NRP1: variants seen among roughly 807,000 people sequenced by gnomAD.
The protein encoded by NRP1 is neuropilin 1.
A neutral mutation model predicts 106.7 loss-of-function variants in NRP1; 35 were observed. The ratio of observed to expected loss-of-function variants is 0.33; its 90% confidence interval spans 0.25 to 0.43. The LOEUF (loss-of-function observed/expected upper bound fraction) is 0.43. Among genes scored for constraint, NRP1 ranks in the 20% least tolerant of loss-of-function variants. NRP1 has a pLI of 1.00. For missense variants in NRP1, 1,024 were observed against 1,170.4 expected (o/e 0.87, Z 1.83); for synonymous variants, 437 against 417.9 (o/e 1.05, Z -0.56).
At chr10:33,280,971 A>G (rs1844080627) in intron 2 of NRP1, among the ~76,000 whole-genome samples, 1 of 151,418 alleles carries the variant, frequency 6.6e-6, no homozygotes, top group South Asian at 2.1e-4. Context: ...ACCTTGTCTC[A>G]AAAGAAAAAA....
chr10:33,325,297 T>C (rs1847809983), intron 2 of NRP1, among the ~76,000 whole-genome samples: 1 of 152,170 alleles, frequency 6.6e-6, no homozygotes, highest in East Asian at 1.9e-4. Flanking sequence ...TGCTCTAAAA[T>C]ACAAGACTAG....
chr10:33,321,847 C>T (rs953085221), intron 2 of NRP1, among the ~76,000 whole-genome samples: 2 of 152,298 alleles, frequency 1.3e-5, no homozygotes, highest in Admixed American at 6.5e-5. Flanking sequence ...AAGCTCTCTC[C>T]GTGACATAGC....
At chr10:33,308,782 C>T (rs968137112) in intron 2 of NRP1, among the ~76,000 whole-genome samples, 1 of 152,018 alleles carries the variant, frequency 6.6e-6, no homozygotes, top group Admixed American at 6.6e-5. Context: ...AGCCACCATG[C>T]CTGGCCTCAA....
At chr10:33,210,930 ATT>A (rs1838252716) in intron 9 of NRP1, among the ~76,000 whole-genome samples, 1 of 152,188 alleles carries the variant, frequency 6.6e-6, no homozygotes, top group Non-Finnish European at 1.5e-5. Context: ...CGTCTTAGAG[ATT>A]TTATTTCAGT....
At chr10:33,239,801 T>G (rs1467309945) in intron 6 of NRP1, among the ~76,000 whole-genome samples, 5 of 152,228 alleles carry the variant, frequency 3.3e-5, no homozygotes, top group African/African-American at 1.2e-4. Context: ...CGTCTCAACC[T>G]TCTTATTTTA....
At chr10:33,186,023 T>C (rs1469677430) in intron 14 of NRP1, among the ~76,000 whole-genome samples, 194 bp downstream of exon 14, 14 of 152,206 alleles carry the variant, frequency 9.2e-5, no homozygotes, top group Admixed American at 6.5e-4. Flanking sequence ...CTCAGCAAAT[T>C]GGTTCTATTC....
chr10:33,332,959 C>T (rs1169604503), intron 1 of NRP1, among the ~76,000 whole-genome samples: 1 of 151,930 alleles, frequency 6.6e-6, no homozygotes, highest in African/African-American at 2.4e-5. Context: ...CATTGAGCTT[C>T]AAATCTATCT....
At chr10:33,258,855 C>G (rs1372308014) in intron 4 of NRP1, among the ~76,000 whole-genome samples, 2 of 152,144 alleles carry the variant, frequency 1.3e-5, no homozygotes, top group Non-Finnish European at 2.9e-5. Flanking sequence ...AAAAAGGAAT[C>G]TCATTTCTGA....
chr10:33,208,073 C>A (rs1158128275), intron 9 of NRP1, among the ~76,000 whole-genome samples: 1 of 152,100 alleles, frequency 6.6e-6, no homozygotes, highest in Non-Finnish European at 1.5e-5. Context: ...CTACAGGCAC[C>A]CGCCACCATG....
At chr10:33,218,331 C>A (rs1371452664) in intron 8 of NRP1, among the ~76,000 whole-genome samples, 2 of 141,242 alleles carry the variant, frequency 1.4e-5, no homozygotes, top group African/African-American at 5.1e-5. Flanking sequence ...TACTATATTT[C>A]TTTTTTCTTT....
In NRP1 at chr10:33,203,781, C is replaced by T. The variant is rs1304739158; in HGVS notation, c.1760-786G>A. Among the ~76,000 whole-genome samples the T allele has an allele frequency of 6.4e-5, 5 of 78,348 alleles. 1 individual carries two copies. Among genetic ancestry groups the T allele is most frequent in the Admixed American group, 1.8e-4 (1 of 5,620 alleles). 51.4% of individuals were successfully genotyped at this position (78,348 alleles called of 152,430 possible). A position where few individuals can be genotyped will look rare whatever the true frequency, so the allele number is the denominator to read the frequency against. On this transcript the variant is annotated intron_variant, in intron 10 of 16. Coordinates refer to ENST00000374867, the MANE Select transcript of NRP1 (RefSeq NM_003873.7). ...CGGAGTCTCGCTCTGTCGCCCAGGC[C>T]GGACTGCGGACTGCAGTGGCGCAAT...
At chr10:33,180,438 A>G (rs1835613417) in intron 16 of NRP1, 73 bp from the exon 17 acceptor site, 1 of 1,452,802 alleles carries the variant, frequency 6.9e-7, no homozygotes, top group Non-Finnish European at 9.3e-7. Context: ...AAAAATAGAA[A>G]GGAACGAAAC....
intron 11 of NRP1, among the ~76,000 whole-genome samples, chr10:33,198,813 A>T (rs1405202934): frequency 6.6e-6 from 1 of 152,138 alleles, no homozygotes; most frequent in Non-Finnish European, 1.5e-5. Context: ...TCAAGGACAA[A>T]TACCCTGCCC....
In NRP1 at chr10:33,222,501, T is replaced by TGA. The variant is rs1205299661; in HGVS notation, c.1138-639_1138-638insTC. ...TTTTCCAGGGCTTGTGCGTCAAGATTTATTTATTTATTTATTTATTTATTT... is the reference window on the plus strand; with the variant it reads ...TTTTCCAGGGCTTGTGCGTCAAGATTGATATTTATTTATTTATTTATTTATTT... On this transcript the variant is annotated intron_variant, in intron 7 of 16. Coordinates refer to ENST00000374867, the MANE Select transcript of NRP1 (RefSeq NM_003873.7). Among the ~76,000 whole-genome samples the TGA allele has an allele frequency of 5.6e-3, 591 of 105,798 alleles. 2 individuals are homozygous for TGA. Among genetic ancestry groups the TGA allele is most frequent in the African/African-American group, 0.017 (510 of 29,168 alleles). 69.4% of individuals were successfully genotyped at this position (105,798 alleles called of 152,430 possible).
rs1439297364 is a variant in NRP1 at position 33,270,768 on chromosome 10, C to G, written c.337G>C (p.Val113Leu). 1 of 1,613,848 alleles carries G rather than the reference C, an allele frequency of 6.2e-7. No homozygotes were observed. Among genetic ancestry groups the G allele is most frequent in the East Asian group, 2.2e-5 (1 of 44,862 alleles). The part of the protein sequence containing the change: ...FCGKIAPPPV[V>L]SSGPFLFIKF... ...ATAAAAAGAAATGGCCCTGAAGACA[C>G]AACAGGAGGAGGGGCTATCTTTCCA... Residue 113 changes from valine to leucine, a missense_variant, in exon 3 of 17, where the codon GTG (valine) becomes CTG (leucine). Physicochemically the swap from Val to Leu is conservative, Grantham distance 32. This residue lies in a region of NRP1 where 279 missense variants were observed against 327.4 expected (regional missense o/e 0.85). Transcript: ENST00000374867.
chr10:33,212,404 C>A (rs1838377375), intron 9 of NRP1: 1 of 152,132 alleles, frequency 6.6e-6, no homozygotes, highest in Non-Finnish European at 1.5e-5. Context: ...AAAACATTAT[C>A]CTAAGTGACA....
intron 13 of NRP1, among the ~76,000 whole-genome samples, chr10:33,186,703 G>C (rs894403837): frequency 4.6e-5 from 7 of 152,146 alleles, no homozygotes; most frequent in African/African-American, 1.4e-4. Flanking sequence ...TTAGGGGAAG[G>C]CTGAGTGGCA....
chr10:33,322,408 C>T (rs1362449736), intron 2 of NRP1, among the ~76,000 whole-genome samples: 1 of 152,054 alleles, frequency 6.6e-6, no homozygotes, highest in African/African-American at 2.4e-5. Context: ...GATAGAGTCT[C>T]GCTCTATTGC....
At chr10:33,317,096 C>T (rs1847091579) in intron 2 of NRP1, among the ~76,000 whole-genome samples, 1 of 152,182 alleles carries the variant, frequency 6.6e-6, no homozygotes, top group Admixed American at 6.5e-5. Flanking sequence ...CCATAGAGGC[C>T]CATAACAGTC....
Sources: gnomAD v4.1 joint callset for allele counts (sites outside exome capture counted in the v4.1 genomes callset) on GRCh38, gnomAD v4.1.1 for gene constraint, gnomAD v4.1.1 regional missense constraint, MANE v1.5 for transcripts, NCBI Gene and HGNC (gene_info 2026-07-23, HGNC 2026-07-21) for gene names.